SAMD12: variants seen among roughly 807,000 people sequenced by gnomAD.
SAMD12 encodes the protein sterile alpha motif domain-containing protein 12.
SAMD12 carries 9 observed loss-of-function variants against 15.0 expected under a neutral mutation model. That is an observed-to-expected ratio of 0.60 (90% CI 0.36 to 1.05). The LOEUF is 1.05. Ranked by LOEUF, SAMD12 falls within the 50% of genes least tolerant of loss-of-function variation. SAMD12 has a pLI of 0.01. For synonymous variants in SAMD12, 86 were observed against 90.1 expected (o/e 0.96, Z 0.25); for missense variants, 230 against 234.2 (o/e 0.98, Z 0.12).
downstream of SAMD12, among the ~76,000 whole-genome samples, chr8:118,186,396 G>A (rs922433050): frequency 6.6e-6 from 1 of 152,130 alleles, no homozygotes. Flanking sequence ...ACAATACTTA[G>A]ACCAGTAAGG....
At chr8:118,608,803 T>G (rs1044960376) in intron 1 of SAMD12, among the ~76,000 whole-genome samples, 1 of 152,136 alleles carries the variant, frequency 6.6e-6, no homozygotes, top group Non-Finnish European at 1.5e-5. Context: ...TGTGTGAGCA[T>G]GTGGGAGGAA....
At chr8:118,477,177 T>C (rs916507636) in intron 2 of SAMD12, among the ~76,000 whole-genome samples, 6 of 152,076 alleles carry the variant, frequency 3.9e-5, no homozygotes, top group African/African-American at 1.4e-4. Context: ...GCAATTCTCA[T>C]GCCTCAGCCT....
At chr8:118,272,538 T>A (rs758282238) in intron 4 of SAMD12, among the ~76,000 whole-genome samples, 2 of 152,222 alleles carry the variant, frequency 1.3e-5, no homozygotes, top group Admixed American at 6.5e-5. Flanking sequence ...CTTGAATTTA[T>A]CCCCAGAAAA....
intron 2 of SAMD12, among the ~76,000 whole-genome samples, chr8:118,467,140 G>A (rs1300961661): frequency 6.6e-6 from 1 of 152,186 alleles, no homozygotes; most frequent in Non-Finnish European, 1.5e-5. Flanking sequence ...GCCATGAAAT[G>A]ATTCTGCCTC....
intron 4 of SAMD12, among the ~76,000 whole-genome samples, chr8:118,236,384 C>T (rs1345866890): frequency 2.0e-5 from 3 of 152,132 alleles, no homozygotes; most frequent in Non-Finnish European, 2.9e-5. Flanking sequence ...CAAATAGTAG[C>T]ACTTTGCCTC....
intron 4 of SAMD12, among the ~76,000 whole-genome samples, chr8:118,335,842 A>T (rs1013829405): frequency 2.0e-5 from 3 of 152,136 alleles, no homozygotes; most frequent in Admixed American, 2.0e-4. Flanking sequence ...GCTTGGCTCA[A>T]GCAATCACCT....
At chr8:118,431,418 A>C (rs1586710882) in intron 3 of SAMD12, among the ~76,000 whole-genome samples, 2 of 152,172 alleles carry the variant, frequency 1.3e-5, no homozygotes, top group South Asian at 4.2e-4. Flanking sequence ...CTTGCAGGGC[A>C]GTTTGCTGAC....
At chr8:118,191,991 T>C (rs1454945776) in exon 5 of SAMD12, 2 of 151,284 alleles carry the variant, frequency 1.3e-5, no homozygotes, top group East Asian at 2.0e-4. Context: ...ATTTTTGCTA[T>C]TTTAGAGGCA....
At chr8:118,523,841 AG>A (rs1347662404) in intron 2 of SAMD12, among the ~76,000 whole-genome samples, 2 of 152,038 alleles carry the variant, frequency 1.3e-5, no homozygotes, top group African/African-American at 2.4e-5. Context: ...CCATCTGAAA[AG>A]GCTTCCTAAC....
the SAMD12 span, among the ~76,000 whole-genome samples, chr8:118,133,327 ATCT>A: frequency 6.6e-5 from 10 of 151,304 alleles, no homozygotes; most frequent in East Asian, 7.8e-4. Context: ...CATTCATTTG[ATCT>A]TCTTTTTTTT....
chr8:118,269,616 T>C (rs1181061351), intron 4 of SAMD12, among the ~76,000 whole-genome samples: 1 of 152,166 alleles, frequency 6.6e-6, no homozygotes, highest in Non-Finnish European at 1.5e-5. Flanking sequence ...AGTCAATCAA[T>C]ACCTTCTGTC....
chr8:118,232,187 T>C (rs1812325729), intron 4 of SAMD12, among the ~76,000 whole-genome samples: 2 of 152,192 alleles, frequency 1.3e-5, no homozygotes, highest in South Asian at 4.1e-4. Flanking sequence ...GAGCTGGTAG[T>C]TGTGTTCAGG....
In SAMD12 at chr8:118,534,908, G is replaced by A. The variant is rs377704531; in HGVS notation, c.192+45807C>T. ...TTCGAACATCCTCCTTTAGCTTGGAGAAGTTTGTTTTTACTGATATTCTGA... is the reference window on the plus strand; with the variant it reads ...TTCGAACATCCTCCTTTAGCTTGGAAAAGTTTGTTTTTACTGATATTCTGA... On this transcript the variant is annotated intron_variant, in intron 2 of 3. Transcript: ENST00000314727. Among the ~76,000 whole-genome samples the A allele has an allele frequency of 3.7e-4, 56 of 151,954 alleles. No individual in the cohort carries two copies. In the South Asian group the frequency reaches 0.011, roughly 30 times the overall value.
chr8:118,511,414 T>C (rs1825075871), intron 2 of SAMD12, among the ~76,000 whole-genome samples: 1 of 152,066 alleles, frequency 6.6e-6, no homozygotes, highest in African/African-American at 2.4e-5. Context: ...GTCTAGCAGG[T>C]CAATTGACAA....
chr8:118,286,709 T>C (rs1814044166), intron 4 of SAMD12, among the ~76,000 whole-genome samples: 1 of 152,184 alleles, frequency 6.6e-6, no homozygotes, highest in South Asian at 2.1e-4. Flanking sequence ...GGTAGCTGGA[T>C]TCGTGTCTCT....
At chr8:118,618,272 C>A (rs1321964702) in intron 1 of SAMD12, among the ~76,000 whole-genome samples, 2 of 152,156 alleles carry the variant, frequency 1.3e-5, no homozygotes, top group Non-Finnish European at 2.9e-5. Context: ...ATCTTAAACA[C>A]ACGGCTGCAG....
chr8:118,361,831 T>C (rs921516835), intron 4 of SAMD12, among the ~76,000 whole-genome samples: 5 of 152,210 alleles, frequency 3.3e-5, no homozygotes, highest in African/African-American at 1.2e-4. Flanking sequence ...TTTAAATTGA[T>C]GTAAGAGACA....
intron 2 of SAMD12, among the ~76,000 whole-genome samples, chr8:118,463,242 G>A (rs1250818788): frequency 6.6e-6 from 1 of 152,056 alleles, no homozygotes. Context: ...CCTTGAACTC[G>A]TTGGGGTGGG....
intron 2 of SAMD12, among the ~76,000 whole-genome samples, chr8:118,564,193 A>AC (rs750526697): frequency 2.4e-5 from 3 of 125,864 alleles, no homozygotes; most frequent in Non-Finnish European, 4.9e-5. Context: ...TCCCCCCCTC[A>AC]CCCCCCGCCA....
Sources: allele counts gnomAD v4.1 joint callset (sites outside exome capture counted in the v4.1 genomes callset), GRCh38; gene constraint gnomAD v4.1.1; transcripts MANE v1.5; gene names NCBI Gene and HGNC (gene_info 2026-07-23, HGNC 2026-07-21).